ARHGEF28: variants seen among roughly 807,000 people sequenced by gnomAD.
ARHGEF28 encodes 190 kDa guanine nucleotide exchange factor.
Under a neutral mutation model 206.6 loss-of-function variants are expected in ARHGEF28, and 152 were observed. The ratio of observed to expected loss-of-function variants is 0.74; its 90% confidence interval spans 0.64 to 0.84. The LOEUF (loss-of-function observed/expected upper bound fraction) is 0.84, where lower values mean the gene tolerates loss of function less well. Among genes scored for constraint, ARHGEF28 ranks in the 40% least tolerant of loss-of-function variants. The probability of loss-of-function intolerance (pLI) is 0.00; values close to 1 mark genes in which losing one functional copy is unlikely to be tolerated. For missense variants in ARHGEF28, 2,028 were observed against 2,073.2 expected (o/e 0.98, Z 0.42); for synonymous variants, 763 against 776.4 (o/e 0.98, Z 0.29).
intron 35 of ARHGEF28, among the ~76,000 whole-genome samples, chr5:73,918,081 G>C (rs1355417620): frequency 6.6e-6 from 1 of 152,128 alleles, no homozygotes; most frequent in African/African-American, 2.4e-5. Flanking sequence ...TGCAGATTTT[G>C]TTTTTAAGGT....
At chr5:73,911,824 C>A in intron 35 of ARHGEF28, 1 of 428,914 alleles carries the variant, frequency 2.3e-6, no homozygotes, top group South Asian at 5.0e-5. Context: ...GAGAACCAGA[C>A]AGGATTTTTA....
chr5:73,712,040 A>G (rs966839209), intron 2 of ARHGEF28, among the ~76,000 whole-genome samples: 1 of 152,054 alleles, frequency 6.6e-6, no homozygotes, highest in Non-Finnish European at 1.5e-5. Context: ...TCCTGCATCT[A>G]TTAGATGGCA....
intron 14 of ARHGEF28, among the ~76,000 whole-genome samples, chr5:73,854,175 G>A (rs1455515219): frequency 6.6e-6 from 1 of 151,814 alleles, no homozygotes; most frequent in Admixed American, 6.6e-5. Flanking sequence ...TTATCTTGTT[G>A]GATATGCCAA....
chr5:73,852,406 T>C (rs1758761885), intron 13 of ARHGEF28, among the ~76,000 whole-genome samples: 1 of 152,196 alleles, frequency 6.6e-6, no homozygotes, highest in Non-Finnish European at 1.5e-5. Context: ...GCTAACTTAG[T>C]TCATGAAGTC....
chr5:73,744,347 G>A (rs1051933178), intron 2 of ARHGEF28, among the ~76,000 whole-genome samples: 7 of 152,086 alleles, frequency 4.6e-5, no homozygotes, highest in Middle Eastern at 3.2e-3. Context: ...TAACTTGGGG[G>A]TTGGGGCAGA....
intron 2 of ARHGEF28, among the ~76,000 whole-genome samples, chr5:73,746,121 TG>T (rs1198516846): frequency 1.3e-5 from 2 of 152,122 alleles, no homozygotes; most frequent in African/African-American, 4.8e-5. Context: ...ACAAAATTTT[TG>T]GAAAGAAGTT....
At position 73,864,950 on chromosome 5, in the gene ARHGEF28, A is replaced by G. The variant is rs1979551; in HGVS notation, c.2103+78A>G. 0.32 allele frequency: 411,693 copies of G among 1,306,424 alleles called. 66,720 individuals carry two copies. The highest frequency in any genetic ancestry group is 0.43 in the Admixed American group (20,061 of 47,068). 80.9% of individuals were successfully genotyped at this position (1,306,424 alleles called of 1,614,324 possible). A position where few individuals can be genotyped will look rare whatever the true frequency, so the allele number is the denominator to read the frequency against. On this transcript the variant is annotated intron_variant, in intron 17 of 35. Transcript: ENST00000513042. ...TCTATTTGAGCTTTTACTCTTTTTTATTACCATCTAGATTTATTTCTAAAG... is the reference window on the plus strand; with the variant it reads ...TCTATTTGAGCTTTTACTCTTTTTTGTTACCATCTAGATTTATTTCTAAAG...
intron 35 of ARHGEF28, among the ~76,000 whole-genome samples, chr5:73,921,944 T>C (rs1048712102): frequency 6.6e-6 from 1 of 152,236 alleles, no homozygotes; most frequent in African/African-American, 2.4e-5. Flanking sequence ...ATGAATGTTG[T>C]AACACTGCAA....
intron 1 of ARHGEF28, among the ~76,000 whole-genome samples, chr5:73,642,028 C>T (rs1293811111): frequency 1.3e-5 from 2 of 152,114 alleles, no homozygotes; most frequent in African/African-American, 4.8e-5. Flanking sequence ...TTTATTGATC[C>T]CTAGTTTGTG....
At chr5:73,877,327 T>C (rs1183581699) in intron 22 of ARHGEF28, among the ~76,000 whole-genome samples, 11 of 150,170 alleles carry the variant, frequency 7.3e-5, no homozygotes, top group Non-Finnish European at 4.5e-5. Flanking sequence ...TCTTTATTAG[T>C]CTTGCTAGCG....
chr5:73,715,604 G>A (rs997233488), intron 2 of ARHGEF28, among the ~76,000 whole-genome samples: 1 of 152,106 alleles, frequency 6.6e-6, no homozygotes, highest in African/African-American at 2.4e-5. Context: ...TTTTATTAAT[G>A]TTATTTAATT....
At chr5:73,680,532 G>A (rs915811322) in intron 1 of ARHGEF28, among the ~76,000 whole-genome samples, 6 of 150,990 alleles carry the variant, frequency 4.0e-5, no homozygotes, top group African/African-American at 1.5e-4. Context: ...GGAGGGGAGT[G>A]AGGGATAAAA....
At chr5:73,938,238 A>G (rs867024523) in intron 35 of ARHGEF28, among the ~76,000 whole-genome samples, 5 of 148,984 alleles carry the variant, frequency 3.4e-5, no homozygotes, top group Admixed American at 6.8e-5. Flanking sequence ...TTGGTTCTGT[A>G]TCTTCTTGAA....
chr5:73,857,989 G>C lies in ARHGEF28; in HGVS notation c.1915-98G>C, dbSNP rs953148635. The C allele has an allele frequency of 5.3e-6, 8 of 1,498,804 alleles. No homozygotes were observed. In the African/African-American group the frequency reaches 9.8e-5, roughly 18 times the overall value. The allele number at this position is 1,498,804 out of a possible 1,614,324, so 92.8% of individuals were successfully genotyped here. A position where few individuals can be genotyped will look rare whatever the true frequency, so the allele number is the denominator to read the frequency against. ...TCCTTATATTCTGATGGAAAATGTA[G>C]AGACTTTGCTCAGATGATTTCTATA... On this transcript the variant is annotated intron_variant, in intron 15 of 35. Transcript: ENST00000513042.
intron 2 of ARHGEF28, among the ~76,000 whole-genome samples, chr5:73,725,610 C>A (rs541114657): frequency 1.6e-4 from 25 of 152,244 alleles, no homozygotes; most frequent in Middle Eastern, 3.4e-3. Flanking sequence ...CACTAAAAAT[C>A]TTTTTTATTT....
At chr5:73,702,735 G>T (rs533999789) in intron 2 of ARHGEF28, among the ~76,000 whole-genome samples, 6 of 152,230 alleles carry the variant, frequency 3.9e-5, no homozygotes, top group Admixed American at 3.3e-4. Flanking sequence ...TAGCCATCCT[G>T]CTGAGTATGA....
chr5:73,822,419 A>G (rs1441340718), intron 9 of ARHGEF28, among the ~76,000 whole-genome samples: 1 of 152,180 alleles, frequency 6.6e-6, no homozygotes, highest in Non-Finnish European at 1.5e-5. Context: ...CTTGCTACAT[A>G]TTAAAATCTA....
Position 73,852,772 on chromosome 5 carries a change from G to A in ARHGEF28, c.1790+80G>A. The A allele has an allele frequency of 2.1e-6, 3 of 1,426,784 alleles. No individual in the cohort carries two copies. The South Asian group carries it at 3.4e-5, about 16-fold the overall frequency. The allele number at this position is 1,426,784 out of a possible 1,614,324, so 88.4% of individuals were successfully genotyped here. On this transcript the variant is annotated intron_variant, in intron 14 of 35. Transcript: ENST00000513042. ...TGTCCACACATCATTTTTGCTATCT[G>A]TTCACTAGTTCATGAGAGGTTTCCA...
At chr5:73,868,631 G>T (rs991727601) in intron 20 of ARHGEF28, among the ~76,000 whole-genome samples, 17 of 152,122 alleles carry the variant, frequency 1.1e-4, no homozygotes, top group African/African-American at 3.9e-4. Context: ...TACCCCATCT[G>T]TTGCCTCCTA....
Sources: gnomAD v4.1 joint callset for allele counts (sites outside exome capture counted in the v4.1 genomes callset) on GRCh38, gnomAD v4.1.1 for gene constraint, MANE v1.5 for transcripts, NCBI Gene and HGNC (gene_info 2026-07-23, HGNC 2026-07-21) for gene names.